Variants in CHSY1 observed in about 807,000 individuals in gnomAD.
CHSY1 encodes N-acetylgalactosaminyl-proteoglycan 3-beta-glucuronosyltransferase 1.
Under a neutral mutation model 59.8 loss-of-function variants are expected in CHSY1, and 13 were observed. The observed-to-expected ratio is 0.22, with a 90% CI of 0.14 to 0.35. The LOEUF is 0.35. Among genes scored for constraint, CHSY1 ranks in the 10% least tolerant of loss-of-function variants. The pLI is 1.00. For missense variants in CHSY1, 947 were observed against 1,030.6 expected, an observed-to-expected ratio of 0.92 and a Z score of 1.11; for synonymous variants, 459 against 401.2, an observed-to-expected ratio of 1.14 and a Z score of -1.72.
At chr15:101,240,859 A>G (rs1055090963) in intron 1 of CHSY1, among the ~76,000 whole-genome samples, 8 of 152,232 alleles carry the variant, frequency 5.3e-5, no homozygotes, top group African/African-American at 1.7e-4. Context: ...TGTTGTTTTA[A>G]GAAAAACTAC....
intron 1 of CHSY1, among the ~76,000 whole-genome samples, chr15:101,250,538 A>G (rs1022549095): frequency 6.6e-6 from 1 of 152,216 alleles, no homozygotes; most frequent in Non-Finnish European, 1.5e-5. Context: ...TTTCCACTGA[A>G]TCTACCAAGG....
intron 2 of CHSY1, among the ~76,000 whole-genome samples, chr15:101,184,789 T>G (rs967240347): frequency 6.6e-6 from 1 of 152,248 alleles, no homozygotes; most frequent in African/African-American, 2.4e-5. Context: ...CCAGACTGGC[T>G]GGTGGCCCCT....
In CHSY1 at chr15:101,189,368, T is replaced by C. The variant is rs541038777; in HGVS notation, c.817-10388A>G. The C allele has an allele frequency of 5.5e-5, 46 of 833,854 alleles. No homozygotes were observed. In the South Asian group the frequency reaches 2.2e-3, roughly 40 times the overall value. The allele number at this position is 833,854 out of a possible 1,614,324, so 51.7% of individuals were successfully genotyped here. On this transcript the variant is annotated intron_variant, in intron 2 of 2. Coordinates refer to ENST00000254190, the MANE Select transcript of CHSY1 (RefSeq NM_014918.5). ...CTCTACGAGAACGTGATATAAGCTC[T>C]AGTCTAGGGGACTGCCAAAGCACAA...
intron 2 of CHSY1, among the ~76,000 whole-genome samples, chr15:101,234,435 C>T (rs972369843): frequency 2.0e-5 from 3 of 152,280 alleles, no homozygotes; most frequent in South Asian, 2.1e-4. Context: ...TACATTCTTG[C>T]AATTACATCT....
At position 101,178,408 on chromosome 15, in the gene CHSY1, C is replaced by T; in HGVS notation, c.1389G>A (p.Met463Ile). 6.2e-7 allele frequency: 1 copy of T among 1,613,026 alleles called. No individual in the cohort carries two copies. The highest frequency in any genetic ancestry group is 1.3e-5 in the African/African-American group (1 of 75,032). Residue 463 changes from methionine (M) to isoleucine (I), a missense_variant, in exon 3 of 3, where the codon ATG (methionine) becomes ATA (isoleucine). Physicochemically the swap from Met to Ile is conservative, Grantham distance 10. Around this residue, in one of 4 missense-constraint regions of CHSY1, gnomAD observed 602 missense variants for 676.9 expected, o/e 0.89. Coordinates refer to ENST00000254190, the MANE Select transcript of CHSY1 (RefSeq NM_014918.5). ...LLYKKHKGKK[M>I]TVPVRRHAYL... ...ACGCGTGCCTCCTCACAGGGACCGT[C>T]ATTTTCTTCCCTTTGTGCTTTTTGT...
intron 2 of CHSY1, among the ~76,000 whole-genome samples, chr15:101,233,665 A>T (rs1015695945): frequency 6.6e-6 from 1 of 152,212 alleles, no homozygotes; most frequent in South Asian, 2.1e-4. Context: ...TAAGGCACAC[A>T]GGGATTGAAG....
intron 1 of CHSY1, 115 bp downstream of exon 1, chr15:101,251,022 G>C: frequency 9.9e-7 from 1 of 1,011,488 alleles, no homozygotes; most frequent in Non-Finnish European, 1.4e-6. Flanking sequence ...CGATCCCGCC[G>C]GAAGCCCAAG....
chr15:101,220,547 C>A (rs1008275906), intron 2 of CHSY1, among the ~76,000 whole-genome samples: 2 of 152,194 alleles, frequency 1.3e-5, no homozygotes, highest in Non-Finnish European at 2.9e-5. Flanking sequence ...CACTTCCCCT[C>A]ACCTCTTCGC....
chr15:101,200,649 G>A (rs983598255), intron 2 of CHSY1, among the ~76,000 whole-genome samples: 6 of 152,116 alleles, frequency 3.9e-5, no homozygotes, highest in Non-Finnish European at 2.9e-5. Context: ...GAGTCTCTCC[G>A]ATGTACCCAC....
chr15:101,216,930 A>G (rs2038739532), intron 2 of CHSY1, among the ~76,000 whole-genome samples: 1 of 152,222 alleles, frequency 6.6e-6, no homozygotes, highest in South Asian at 2.1e-4. Context: ...CCAGGATGGA[A>G]TGCAGAGTGT....
At chr15:101,217,220 G>C (rs2038742497) in intron 2 of CHSY1, among the ~76,000 whole-genome samples, 1 of 152,228 alleles carries the variant, frequency 6.6e-6, no homozygotes, top group Admixed American at 6.5e-5. Context: ...GGAGGTTACA[G>C]TTTAGCAAAG....
chr15:101,178,493 C>T lies in CHSY1; in HGVS notation c.1304G>A (p.Gly435Asp). 1 of 1,614,240 alleles carries T rather than the reference C, an allele frequency of 6.2e-7. No individual in the cohort carries two copies. The highest frequency in any genetic ancestry group is 8.5e-7 in the Non-Finnish European group (1 of 1,180,048). Residue 435 changes from glycine (G) to aspartate (D), a missense_variant, in exon 3 of 3, where the codon GGC becomes GAC. This residue lies in a region of CHSY1 where 602 missense variants were observed against 676.9 expected (regional missense o/e 0.89). Coordinates refer to ENST00000254190, the MANE Select transcript of CHSY1 (RefSeq NM_014918.5). Reference sequence around the variant, plus strand: ...ATACATGGGGTTCACCCGGCGGTAGCCGTACTGGATCTCTTTGAAGTCAAT... The same window carrying T: ...ATACATGGGGTTCACCCGGCGGTAGTCGTACTGGATCTCTTTGAAGTCAAT... ...RIIDFKEIQY[G>D]YRRVNPMYGA...
chr15:101,221,653 TAAATG>T (rs779762382), intron 2 of CHSY1, among the ~76,000 whole-genome samples: 13 of 152,128 alleles, frequency 8.5e-5, no homozygotes, highest in Non-Finnish European at 1.8e-4. Context: ...GTGGTAAAAA[TAAATG>T]AAACCGTACT....
intron 1 of CHSY1, among the ~76,000 whole-genome samples, chr15:101,242,078 A>G (rs989581858): frequency 7.9e-5 from 12 of 152,010 alleles, no homozygotes; most frequent in African/African-American, 2.4e-4. Context: ...CCCCCCAAAT[A>G]TTTTCAATCC....
chr15:101,242,244 A>G (rs2039010124), intron 1 of CHSY1, among the ~76,000 whole-genome samples: 1 of 152,118 alleles, frequency 6.6e-6, no homozygotes, highest in Non-Finnish European at 1.5e-5. Flanking sequence ...AGAGTAGGAA[A>G]CCCTTACGCA....
intron 2 of CHSY1, chr15:101,189,540 G>A: frequency 1.1e-6 from 1 of 917,548 alleles, no homozygotes; most frequent in Non-Finnish European, 1.3e-6. Context: ...GCTGTTCTGT[G>A]TCAAGTCTAA....
At chr15:101,239,005 C>A (rs1436519474) in intron 1 of CHSY1, among the ~76,000 whole-genome samples, 1 of 152,200 alleles carries the variant, frequency 6.6e-6, no homozygotes, top group Admixed American at 6.5e-5. Flanking sequence ...GGGGAGATAA[C>A]TTCTCAGAAC....
chr15:101,194,039 C>T (rs1392797473), intron 2 of CHSY1, among the ~76,000 whole-genome samples: 1 of 152,234 alleles, frequency 6.6e-6, no homozygotes, highest in African/African-American at 2.4e-5. Flanking sequence ...GGCCAAGCAC[C>T]AGGGCAAAGT....
chr15:101,239,271 C>A (rs979272726), intron 1 of CHSY1, among the ~76,000 whole-genome samples: 1 of 152,214 alleles, frequency 6.6e-6, no homozygotes, highest in African/African-American at 2.4e-5. Flanking sequence ...GGTCAGAAAT[C>A]ATTTCTATCT....
Sources: gnomAD v4.1 joint callset for allele counts (sites outside exome capture counted in the v4.1 genomes callset) on GRCh38, gnomAD v4.1.1 for gene constraint, gnomAD v4.1.1 regional missense constraint, MANE v1.5 for transcripts, NCBI Gene and HGNC (gene_info 2026-07-23, HGNC 2026-07-21) for gene names.